Variants in HDAC8 observed in about 807,000 individuals in gnomAD.
The protein encoded by HDAC8 is histone deacetylase 8, also known as histone deacetylase-like 1.
HDAC8 carries 1 observed loss-of-function variant against 32.2 expected under a neutral mutation model. That is an observed-to-expected ratio of 0.03 (90% CI 0.01 to 0.15). The LOEUF is 0.15. HDAC8 is among the 10% of genes least tolerant of loss of function. The probability of loss-of-function intolerance (pLI) is 1.00; values close to 1 mark genes in which losing one functional copy is unlikely to be tolerated. For missense variants in HDAC8, 117 were observed against 300.0 expected, an observed-to-expected ratio of 0.39 and a Z score of 4.51; for synonymous variants, 108 against 113.9, an observed-to-expected ratio of 0.95 and a Z score of 0.33.
At chrX:72,451,426 G>A (rs1225217889) in intron 9 of HDAC8, among the ~76,000 whole-genome samples, 4 of 111,984 alleles carry the variant, frequency 3.6e-5, no homozygotes, top group Non-Finnish European at 5.6e-5. Context: ...CAAACTCCTG[G>A]CTTCAAGTGA....
At chrX:72,562,149 C>T (rs191899132) in intron 4 of HDAC8, among the ~76,000 whole-genome samples, 294 of 111,988 alleles carry the variant, frequency 2.6e-3, no homozygotes, top group Middle Eastern at 9.1e-3. Flanking sequence ...AAAAGTAGAT[C>T]TACCATTTGA....
At position 72,363,572 on chromosome X, in the gene HDAC8, C is replaced by CT. The variant is rs1160846495; in HGVS notation, c.1006-11735dup. ...CACTGCAACCCACACCTCCAATGAA[C>CT]TTTTTTTTTTTCTTTTTGAGATGGA... On this transcript the variant is annotated intron_variant, in intron 9 of 10. Coordinates refer to ENST00000373573, the MANE Select transcript of HDAC8 (RefSeq NM_018486.3). Among the ~76,000 whole-genome samples the CT allele has an allele frequency of 5.3e-3, 559 of 106,337 alleles. 2 individuals carry two copies. The highest frequency in any genetic ancestry group is 0.017 in the African/African-American group (502 of 29,391). 92.3% of individuals were successfully genotyped at this position (106,337 alleles called of 115,157 possible). A position where few individuals can be genotyped will look rare whatever the true frequency, so the allele number is the denominator to read the frequency against.
intron 9 of HDAC8, among the ~76,000 whole-genome samples, chrX:72,415,878 GT>G (rs1332217929): frequency 9.0e-6 from 1 of 111,678 alleles, no homozygotes; most frequent in Non-Finnish European, 1.9e-5. Context: ...ACACAATCAT[GT>G]TATTTGCAGA....
intron 9 of HDAC8, among the ~76,000 whole-genome samples, chrX:72,415,900 T>C (rs2046320597): frequency 9.0e-6 from 1 of 111,722 alleles, no homozygotes; most frequent in African/African-American, 3.2e-5. Context: ...TAAGGACAGT[T>C]TTATTTCTTC....
At chrX:72,335,490 C>A (rs1375357645) in intron 10 of HDAC8, among the ~76,000 whole-genome samples, 1 of 112,141 alleles carries the variant, frequency 8.9e-6, no homozygotes, top group Non-Finnish European at 1.9e-5. Flanking sequence ...GGTTTGATAG[C>A]TCATTTTTTC....
At chrX:72,357,679 T>A (rs927936294) in intron 9 of HDAC8, among the ~76,000 whole-genome samples, 4 of 110,461 alleles carry the variant, frequency 3.6e-5, no homozygotes, top group African/African-American at 1.3e-4. Flanking sequence ...AATACAGTAG[T>A]CCCCACCTTA....
intron 10 of HDAC8, among the ~76,000 whole-genome samples, chrX:72,345,515 G>T (rs2044002594): frequency 9.0e-6 from 1 of 111,205 alleles, no homozygotes; most frequent in African/African-American, 3.3e-5. Flanking sequence ...CCCAGCACAG[G>T]GTGTTGTGCT....
rs781883723 is a variant in HDAC8, at chrX:72,329,762, A to C, written c.*292T>G. 6.3e-5 allele frequency: 72 copies of C among 1,140,624 alleles called. No homozygotes were observed. In the African/African-American group the frequency reaches 1.2e-3, roughly 19 times the overall value. 94.0% of individuals were successfully genotyped at this position (1,140,624 alleles called of 1,213,427 possible). A position where few individuals can be genotyped will look rare whatever the true frequency, so the allele number is the denominator to read the frequency against. On this transcript the variant is annotated 3_prime_UTR_variant, in exon 11 of 11. Coordinates refer to ENST00000373573, the MANE Select transcript of HDAC8 (RefSeq NM_018486.3). Reference sequence around the variant, plus strand: ...AATACTCCCCTCCCCAATTCGCTTAAAAATAATTTTCAAAGATTAAAAATT... The same window carrying C: ...AATACTCCCCTCCCCAATTCGCTTACAAATAATTTTCAAAGATTAAAAATT...
intron 9 of HDAC8, among the ~76,000 whole-genome samples, chrX:72,415,941 C>T (rs1392534785): frequency 4.5e-5 from 5 of 111,392 alleles, no homozygotes; most frequent in Non-Finnish European, 9.4e-5. Flanking sequence ...TGAGATGCTG[C>T]CTGCTGTGTC....
At chrX:72,534,696 G>A (rs1256354566) in intron 4 of HDAC8, among the ~76,000 whole-genome samples, 2 of 111,883 alleles carry the variant, frequency 1.8e-5, no homozygotes, top group Non-Finnish European at 3.8e-5. Context: ...CTAAATAAAT[G>A]GAAAGAAGTT....
At chrX:72,385,603 C>G (rs1310275439) in intron 9 of HDAC8, among the ~76,000 whole-genome samples, 1 of 111,703 alleles carries the variant, frequency 9.0e-6, no homozygotes, top group Admixed American at 9.5e-5. Context: ...ATTCACATAT[C>G]TACACTTTAC....
intron 4 of HDAC8, among the ~76,000 whole-genome samples, chrX:72,553,623 G>A (rs1556081538): frequency 9.0e-6 from 1 of 111,553 alleles, no homozygotes; most frequent in Non-Finnish European, 1.9e-5. Context: ...ACAATCCCTT[G>A]ATATCTGTGG....
At chrX:72,453,573 C>T (rs980468012) in intron 9 of HDAC8, among the ~76,000 whole-genome samples, 2 of 110,977 alleles carry the variant, frequency 1.8e-5, no homozygotes, top group Non-Finnish European at 3.8e-5. Flanking sequence ...GAAACTTCAA[C>T]ATAACTGGTC....
intron 9 of HDAC8, among the ~76,000 whole-genome samples, chrX:72,437,299 A>C (rs2046979468): frequency 8.9e-6 from 1 of 111,889 alleles, no homozygotes; most frequent in African/African-American, 3.2e-5. Flanking sequence ...GGAATGGTGC[A>C]TTATGGCCCA....
At chrX:72,339,206 C>A (rs1335916316) in intron 10 of HDAC8, among the ~76,000 whole-genome samples, 2 of 111,479 alleles carry the variant, frequency 1.8e-5, no homozygotes, top group Non-Finnish European at 3.8e-5. Flanking sequence ...CCGCTCTCAT[C>A]CAGCTATCCA....
At chrX:72,561,172 T>G (rs1251077788) in intron 4 of HDAC8, among the ~76,000 whole-genome samples, 1 of 111,779 alleles carries the variant, frequency 8.9e-6, no homozygotes, top group African/African-American at 3.3e-5. Context: ...CCACCATCAT[T>G]CTTCACAGAA....
At chrX:72,460,816 C>T (rs2047846355) in intron 9 of HDAC8, among the ~76,000 whole-genome samples, 1 of 111,811 alleles carries the variant, frequency 8.9e-6, no homozygotes, top group Admixed American at 9.5e-5. Context: ...GCAATAACAG[C>T]GATTACATTT....
At chrX:72,451,013 C>CA (rs2047556387) in intron 9 of HDAC8, among the ~76,000 whole-genome samples, 1 of 110,771 alleles carries the variant, frequency 9.0e-6, no homozygotes, top group Non-Finnish European at 1.9e-5. Flanking sequence ...GCAAATATTA[C>CA]AAAATCTGAA....
intron 4 of HDAC8, among the ~76,000 whole-genome samples, chrX:72,513,732 C>T (rs1347936879): frequency 9.0e-6 from 1 of 111,285 alleles, no homozygotes; most frequent in Non-Finnish European, 1.9e-5. Context: ...AAAATAACCT[C>T]CAGATTATAC....
Sources: allele counts gnomAD v4.1 joint callset (sites outside exome capture counted in the v4.1 genomes callset), GRCh38; gene constraint gnomAD v4.1.1; transcripts MANE v1.5; gene names NCBI Gene and HGNC (gene_info 2026-07-23, HGNC 2026-07-21).